The following PIR variants were observed in gnomAD, a reference collection of about 807,000 sequenced individuals.
The protein encoded by PIR is pirin (iron-binding nuclear protein).
In PIR, 22 loss-of-function variants were observed where a neutral mutation model predicts 24.2. That is an observed-to-expected ratio of 0.91 (90% confidence interval 0.65 to 1.30). The LOEUF (loss-of-function observed/expected upper bound fraction) is 1.30. Among genes scored for constraint, PIR ranks in the 50% most tolerant of loss-of-function variants. The pLI is 0.00. For synonymous variants in PIR, 80 were observed against 79.6 expected (o/e 1.00, Z -0.03); for missense variants, 220 against 220.3 (o/e 1.00, Z 0.01).
At chrX:15,444,418 A>G (rs1257730601) in intron 5 of PIR, among the ~76,000 whole-genome samples, 1 of 112,545 alleles carries the variant, frequency 8.9e-6, no homozygotes, top group East Asian at 2.8e-4. Flanking sequence ...CATAACTTTT[A>G]TATGCACTAG....
rs373889075 is a variant in PIR, at chrX:15,483,386, G to A, written c.97-3565C>T. On this transcript the variant is annotated intron_variant, in intron 2 of 9. Coordinates refer to ENST00000380420, the MANE Select transcript of PIR (RefSeq NM_001018109.3). The stretch of plus-strand genomic sequence containing the variant: ...ACACCAAAAGAGGCTTCAATTTAAA[G>A]ATATGCTTAAAATCCCTCTTACCCC... Among the ~76,000 whole-genome samples the A allele has an allele frequency of 5.4e-5, 6 of 110,672 alleles. No individual in the cohort carries two copies. The East Asian group carries it at 1.1e-3, about 21-fold the overall frequency.
chrX:15,452,515 C>T (rs747053527), intron 5 of PIR, among the ~76,000 whole-genome samples: 17 of 111,826 alleles, frequency 1.5e-4, no homozygotes, highest in Non-Finnish European at 2.3e-4. Flanking sequence ...CTCATAAAAG[C>T]GACAGTATCT....
chrX:15,395,803 T>A (rs1410525568), intron 8 of PIR, among the ~76,000 whole-genome samples: 3 of 112,431 alleles, frequency 2.7e-5, no homozygotes, highest in Non-Finnish European at 5.6e-5. Flanking sequence ...TTAATATCAA[T>A]TTTTTCATAG....
chrX:15,387,847 G>A (rs1194241790), intron 9 of PIR, among the ~76,000 whole-genome samples: 1 of 111,421 alleles, frequency 9.0e-6, no homozygotes, highest in African/African-American at 3.3e-5. Context: ...GAATCAGCTG[G>A]GAATCTTATT....
chrX:15,484,775 G>C (rs1486551289), intron 2 of PIR, among the ~76,000 whole-genome samples: 1 of 112,169 alleles, frequency 8.9e-6, no homozygotes, highest in Admixed American at 9.4e-5. Context: ...GCTGAACTGT[G>C]TTCATATCCT....
intron 6 of PIR, among the ~76,000 whole-genome samples, chrX:15,425,569 G>A (rs933008563): frequency 3.6e-4 from 40 of 110,139 alleles, no homozygotes; most frequent in African/African-American, 1.0e-3. Flanking sequence ...GCGCCACCAC[G>A]CCCAGCTAGT....
At chrX:15,413,710 C>G (rs1924823089) in intron 6 of PIR, among the ~76,000 whole-genome samples, 2 of 112,254 alleles carry the variant, frequency 1.8e-5, no homozygotes, top group African/African-American at 6.5e-5. Flanking sequence ...TGATGAGTGA[C>G]ACCAATAATA....
chrX:15,415,801 A>C lies in PIR; in HGVS notation c.566-8251T>G, dbSNP rs1265288189. Among the ~76,000 whole-genome samples the C allele has an allele frequency of 4.5e-5, 5 of 111,647 alleles. No individual in the cohort carries two copies. In the Admixed American group the frequency reaches 4.8e-4, roughly 11 times the overall value. On this transcript the variant is annotated intron_variant, in intron 6 of 9. Coordinates refer to ENST00000380420, the MANE Select transcript of PIR (RefSeq NM_001018109.3). ...TAAAAAAACCATTCCAGGTGAAATA[A>C]ATGTATCAATATGAAAGGCAAAACA...
chrX:15,490,050 G>A (rs1464349638), intron 2 of PIR, among the ~76,000 whole-genome samples: 1 of 111,631 alleles, frequency 9.0e-6, no homozygotes, highest in Non-Finnish European at 1.9e-5. Context: ...AATTGGCTAA[G>A]AGAGACTTTA....
intron 5 of PIR, among the ~76,000 whole-genome samples, chrX:15,438,535 C>T (rs752317629): frequency 8.9e-6 from 1 of 112,135 alleles, no homozygotes; most frequent in East Asian, 2.8e-4. Context: ...AGGCAAGTTG[C>T]TAACCTCACT....
chrX:15,398,064 T>C (rs750305043), intron 7 of PIR, among the ~76,000 whole-genome samples: 2 of 102,362 alleles, frequency 2.0e-5, no homozygotes, highest in South Asian at 8.9e-4. Context: ...GGACAGCTAT[T>C]GAATAATAGC....
chrX:15,468,621 C>A (rs951065920), intron 3 of PIR, among the ~76,000 whole-genome samples: 1 of 112,134 alleles, frequency 8.9e-6, no homozygotes, highest in Non-Finnish European at 1.9e-5. Flanking sequence ...TGATTCAATT[C>A]ACTGTAGATT....
At chrX:15,453,988 G>A (rs1018347199) in intron 5 of PIR, among the ~76,000 whole-genome samples, 1 of 111,368 alleles carries the variant, frequency 9.0e-6, no homozygotes, top group African/African-American at 3.3e-5. Context: ...AAGCAGAAGG[G>A]GGCTTCTTGC....
intron 5 of PIR, among the ~76,000 whole-genome samples, chrX:15,449,286 G>A (rs750153279): frequency 2.1e-4 from 23 of 111,455 alleles, no homozygotes; most frequent in Non-Finnish European, 3.6e-4. Flanking sequence ...TCCCTTGCCC[G>A]GTGTCAAAAA....
chrX:15,460,297 T>A (rs1367986354), intron 3 of PIR, among the ~76,000 whole-genome samples: 2 of 112,174 alleles, frequency 1.8e-5, no homozygotes, highest in Non-Finnish European at 3.8e-5. Flanking sequence ...TACACTCCCA[T>A]GTTCATTGCA....
intron 3 of PIR, among the ~76,000 whole-genome samples, chrX:15,472,600 T>C (rs1337607672): frequency 8.9e-6 from 1 of 112,430 alleles, no homozygotes; most frequent in African/African-American, 3.2e-5. Context: ...ATTCCTTTTA[T>C]ATAAAATAGT....
intron 8 of PIR, among the ~76,000 whole-genome samples, chrX:15,397,245 A>T (rs1924194406): frequency 8.9e-6 from 1 of 112,527 alleles, no homozygotes; most frequent in African/African-American, 3.2e-5. Context: ...ATGATTTCTG[A>T]AGATAAAGAA....
In PIR at chrX:15,479,430, T is replaced by TA. The variant is rs1922383198; in HGVS notation, c.189+298dup. 4.5e-5 allele frequency among the ~76,000 whole-genome samples: 5 copies of TA among 110,261 alleles called. No individual in the cohort carries two copies. The South Asian group carries it at 1.9e-3, about 43-fold the overall frequency. On this transcript the variant is annotated intron_variant, in intron 3 of 9. Transcript: ENST00000380420. ...CATGATTAGAAACAGGTTTTCTATA[T>TA]AAAAAAGTATTTTAATCACAAATAG... is the stretch of plus-strand genomic sequence containing the variant.
intron 5 of PIR, among the ~76,000 whole-genome samples, chrX:15,426,687 C>T (rs1925329271): frequency 8.9e-6 from 1 of 112,288 alleles, no homozygotes; most frequent in Admixed American, 9.5e-5. Context: ...CCAGTGGTTC[C>T]AGTCTACTTT....
Sources: gnomAD v4.1 joint callset for allele counts (sites outside exome capture counted in the v4.1 genomes callset) on GRCh38, gnomAD v4.1.1 for gene constraint, MANE v1.5 for transcripts, NCBI Gene and HGNC (gene_info 2026-07-23, HGNC 2026-07-21) for gene names.